The following SETDB2 variants were observed in gnomAD, a reference collection of about 807,000 sequenced individuals.
SETDB2 encodes SET domain bifurcated histone lysine methyltransferase 2, also known as histone-lysine N-methyltransferase SETDB2.
Under a neutral mutation model 82.5 loss-of-function variants are expected in SETDB2, and 56 were observed. The observed-to-expected ratio is 0.68, with a 90% CI of 0.55 to 0.85. SETDB2 has a LOEUF of 0.85. SETDB2 is among the 40% of genes least tolerant of loss of function. SETDB2 has a pLI of 0.00. For missense variants in SETDB2, 677 were observed against 816.4 expected, an observed-to-expected ratio of 0.83 and a Z score of 2.08; for synonymous variants, 272 against 284.9, an observed-to-expected ratio of 0.95 and a Z score of 0.46.
rs998891951 is a variant in SETDB2, at chr13:49,476,661, G to A, written c.491G>A (p.Arg164Gln). Residue 164 changes from arginine (R) to glutamine (Q), a missense_variant, in exon 6 of 14, where the codon CGA becomes CAA. By Grantham distance (43) the Arg-to-Gln change is conservative. This residue lies in a region of SETDB2 where 243 missense variants were observed against 237.2 expected (regional missense o/e 1.02). Transcript: ENST00000611815. ...QLPIKCHFQR[R>Q]HAKTNSHSSA... ...CCAATCAAATGTCACTTCCAAAGACGACATGCAAAGACAAACTCTCATTCT... is the reference window on the plus strand; with the variant it reads ...CCAATCAAATGTCACTTCCAAAGACAACATGCAAAGACAAACTCTCATTCT... 4.3e-6 allele frequency: 7 copies of A among 1,614,162 alleles called. No homozygotes were observed. The highest frequency in any genetic ancestry group is 1.6e-4 in the Middle Eastern group (1 of 6,062).
At chr13:49,446,459 A>G (rs1306592879) in intron 1 of SETDB2, 2 of 451,030 alleles carry the variant, frequency 4.4e-6, no homozygotes, top group Non-Finnish European at 8.9e-6. Flanking sequence ...CAGAGCTTTC[A>G]AGTGTTTTTT....
intron 6 of SETDB2, among the ~76,000 whole-genome samples, chr13:49,478,262 C>T (rs917392071): frequency 1.3e-5 from 2 of 152,134 alleles, no homozygotes; most frequent in African/African-American, 4.8e-5. Flanking sequence ...GTAAAGATTA[C>T]CTCTAAATGT....
At chr13:49,470,213 A>G (rs185911984) in intron 5 of SETDB2, among the ~76,000 whole-genome samples, 2 of 152,198 alleles carry the variant, frequency 1.3e-5, no homozygotes, top group East Asian at 1.9e-4. Context: ...CATTTCCTTA[A>G]TCTCCCATCT....
Position 49,481,081 on chromosome 13 carries a change from A to C in SETDB2, c.1121A>C (p.Asp374Ala). The C allele has an allele frequency of 1.2e-6, 2 of 1,612,990 alleles. No individual in the cohort carries two copies. The highest frequency in any genetic ancestry group is 1.7e-6 in the Non-Finnish European group (2 of 1,179,418). ...QKGWGVRCLD[D>A]IDRGTFVCIY... The stretch of plus-strand genomic sequence containing the variant: ...GGATGGGGTGTACGCTGTCTAGATG[A>C]CATTGACAGAGGGACATTTGTTTGC... Residue 374 changes from aspartate (D) to alanine (A), a missense_variant, in exon 8 of 14, where the codon GAC (aspartate) becomes GCC (alanine). Physicochemically the swap from Asp to Ala is moderately radical, Grantham distance 126 (BLOSUM62 -2). This residue lies in a region of SETDB2 where 420 missense variants were observed against 554.6 expected (regional missense o/e 0.76). Coordinates refer to ENST00000611815, the MANE Select transcript of SETDB2 (RefSeq NM_001160308.3).
chr13:49,459,346 C>T (rs1957948962), intron 2 of SETDB2, among the ~76,000 whole-genome samples: 1 of 152,156 alleles, frequency 6.6e-6, no homozygotes, highest in Admixed American at 6.5e-5. Flanking sequence ...CCTCCCTGTG[C>T]CTACTCCAGT....
intron 12 of SETDB2, chr13:49,488,842 T>C: frequency 2.2e-6 from 1 of 463,308 alleles, no homozygotes; most frequent in Non-Finnish European, 3.8e-6. Flanking sequence ...TGTCTCAGGA[T>C]GTTATGAGAA....
intron 9 of SETDB2, 67 bp from the exon 10 acceptor site, chr13:49,483,397 C>A: frequency 5.3e-6 from 3 of 569,632 alleles, no homozygotes; most frequent in Non-Finnish European, 6.0e-6. Flanking sequence ...TGGATATTAT[C>A]TGTACTTGAG....
chr13:49,453,004 A>G (rs1957811540), intron 2 of SETDB2, among the ~76,000 whole-genome samples: 1 of 152,040 alleles, frequency 6.6e-6, no homozygotes, highest in Admixed American at 6.6e-5. Flanking sequence ...ATTCCCTGCT[A>G]TACTCTTCGG....
chr13:49,467,482 G>GTAC (rs1958139542), intron 4 of SETDB2, among the ~76,000 whole-genome samples: 1 of 152,040 alleles, frequency 6.6e-6, no homozygotes, highest in Admixed American at 6.6e-5. Flanking sequence ...AGAGCAATAG[G>GTAC]AAAACAAAAG....
chr13:49,446,408 C>G (rs1042931341), intron 1 of SETDB2: 1 of 456,368 alleles, frequency 2.2e-6, no homozygotes, highest in Non-Finnish European at 4.4e-6. Flanking sequence ...GGAATGTTCC[C>G]TCACTCCTCT....
Position 49,476,964 on chromosome 13 carries a change from C to T in SETDB2, c.794C>T (p.Pro265Leu), listed in dbSNP as rs1484684737. ...PQFKYRKTVWPRAYNLTNFSS... is the reference protein window; with the variant it reads ...PQFKYRKTVWLRAYNLTNFSS... ...TTTAAGTACAGAAAGACTGTGTGGC[C>T]TCGAGCATATAATCTAACCAACTTT... Residue 265 changes from proline to leucine, a missense_variant, in exon 6 of 14, where the codon CCT becomes CTT. Pro to Leu is a moderately conservative substitution (Grantham distance 98, BLOSUM62 -3). Around this residue, in one of 3 missense-constraint regions of SETDB2, gnomAD observed 420 missense variants for 554.6 expected, o/e 0.76. Coordinates refer to ENST00000611815, the MANE Select transcript of SETDB2 (RefSeq NM_001160308.3). The T allele has an allele frequency of 6.2e-7, 1 of 1,613,812 alleles. No homozygotes were observed. Among genetic ancestry groups the T allele is most frequent in the East Asian group, 2.2e-5 (1 of 44,862 alleles).
chr13:49,452,872 A>T (rs955830566), intron 2 of SETDB2, among the ~76,000 whole-genome samples: 4 of 152,180 alleles, frequency 2.6e-5, no homozygotes, highest in Non-Finnish European at 5.9e-5. Context: ...CATCATATCA[A>T]GGGTACATGC....
rs1410958847 is a variant in SETDB2, at chr13:49,492,801, A to C, written c.*952A>C. ...TGTCAAAACCCTGTCTCTACAAAAA[A>C]TACAAAAATTAGCCTGGCATGATGG... On this transcript the variant is annotated 3_prime_UTR_variant, in exon 14 of 14. Transcript: ENST00000611815. The C allele has an allele frequency of 1.3e-5, 2 of 152,264 alleles. No individual in the cohort carries two copies. Among genetic ancestry groups the C allele is most frequent in the Non-Finnish European group, 2.9e-5 (2 of 68,094 alleles). The allele number at this position is 152,264 out of a possible 1,614,324, so 9.4% of individuals were successfully genotyped here.
Position 49,470,950 on chromosome 13 carries a change from T to TTTTC in SETDB2, c.305+3006_305+3009dup, listed in dbSNP as rs71307669. On this transcript the variant is annotated intron_variant, in intron 5 of 13. Coordinates refer to ENST00000611815, the MANE Select transcript of SETDB2 (RefSeq NM_001160308.3). Reference sequence around the variant, plus strand: ...GGTGTTTTTTTGTGGGGTTTTTTTGTTTTCTTTCTTTCTTTCTTTTTTTTT... The same window carrying TTTTC: ...GGTGTTTTTTTGTGGGGTTTTTTTGTTTTCTTTCTTTCTTTCTTTCTTTTTTTTT... 5.7e-3 allele frequency among the ~76,000 whole-genome samples: 674 copies of TTTTC among 117,452 alleles called. 180 individuals are homozygous for TTTTC. Among genetic ancestry groups the TTTTC allele is most frequent in the African/African-American group, 8.6e-3 (250 of 29,176 alleles). 77.1% of individuals were successfully genotyped at this position (117,452 alleles called of 152,430 possible). A position where few individuals can be genotyped will look rare whatever the true frequency, so the allele number is the denominator to read the frequency against.
At chr13:49,454,106 A>G (rs1957833260) in intron 2 of SETDB2, among the ~76,000 whole-genome samples, 1 of 152,104 alleles carries the variant, frequency 6.6e-6, no homozygotes, top group Non-Finnish European at 1.5e-5. Flanking sequence ...CAATTCCAGT[A>G]TATATATGTA....
rs1958751378 is a variant in SETDB2 at position 49,493,557 on chromosome 13, C to T, written c.*1708C>T. ...TTTCCAGTTAGATGCCATTATTTTC[C>T]TTTTCCTTGGTTTACTCTTCCACAT... On this transcript the variant is annotated 3_prime_UTR_variant, in exon 14 of 14. Transcript: ENST00000611815. The T allele has an allele frequency of 6.6e-6, 1 of 152,154 alleles. No homozygotes were observed. The highest frequency in any genetic ancestry group is 1.5e-5 in the Non-Finnish European group (1 of 68,018). The allele number at this position is 152,154 out of a possible 1,614,324, so 9.4% of individuals were successfully genotyped here.
chr13:49,467,368 C>T (rs1184973595), intron 4 of SETDB2, among the ~76,000 whole-genome samples: 2 of 149,248 alleles, frequency 1.3e-5, no homozygotes, highest in Non-Finnish European at 3.0e-5. Context: ...GCACTCCACC[C>T]TGGGCGACAG....
chr13:49,482,819 A>G lies in SETDB2; in HGVS notation c.1239A>G (p.Ile413Met). ...GAGATGAGAATACTATGAAAAATAT[A>G]TTTTCAAAAAAGAGGAAATTAGAAG... is the stretch of plus-strand genomic sequence containing the variant. ...NGRDENTMKN[I>M]FSKKRKLEVA... The change falls in exon 9 of 14, where the codon ATA becomes ATG. Residue 413 changes from isoleucine to methionine, a missense_variant. By Grantham distance (10) the Ile-to-Met change is conservative. This residue lies in a region of SETDB2 where 420 missense variants were observed against 554.6 expected (regional missense o/e 0.76). Transcript: ENST00000611815. The G allele has an allele frequency of 6.2e-7, 1 of 1,612,660 alleles. No homozygotes were observed. Among genetic ancestry groups the G allele is most frequent in the Non-Finnish European group, 8.5e-7 (1 of 1,178,992 alleles).
At chr13:49,478,983 A>C (rs1478031062) in intron 6 of SETDB2, among the ~76,000 whole-genome samples, 1 of 152,200 alleles carries the variant, frequency 6.6e-6, no homozygotes, top group African/African-American at 2.4e-5. Flanking sequence ...CCAGTAGAAA[A>C]GTTAAAAGGA....
Sources: gnomAD v4.1 joint callset for allele counts (sites outside exome capture counted in the v4.1 genomes callset) on GRCh38, gnomAD v4.1.1 for gene constraint, gnomAD v4.1.1 regional missense constraint, MANE v1.5 for transcripts, NCBI Gene and HGNC (gene_info 2026-07-23, HGNC 2026-07-21) for gene names.